PRDM16: variants seen among roughly 807,000 people sequenced by gnomAD.
PRDM16 encodes the protein histone-lysine N-methyltransferase PRDM16.
In PRDM16, 23 loss-of-function variants were observed where a neutral mutation model predicts 110.6. The ratio of observed to expected loss-of-function variants is 0.21; its 90% CI spans 0.15 to 0.29. The LOEUF is 0.29. Among genes scored for constraint, PRDM16 ranks in the 10% least tolerant of loss-of-function variants. PRDM16 has a pLI of 1.00. For synonymous variants in PRDM16, 799 were observed against 781.8 expected (o/e 1.02, Z -0.37); for missense variants, 1,615 against 1,794.3 (o/e 0.90, Z 1.81).
Position 3,186,292 on chromosome 1 carries a change from G to A in PRDM16, c.205G>A (p.Glu69Lys), listed in dbSNP as rs779756897. ...CACCCCCAAGGAGGGCTCGCCGTACGAGGCCCCTGTCTACATTCCTGAAGA... is the reference window on the plus strand; with the variant it reads ...CACCCCCAAGGAGGGCTCGCCGTACAAGGCCCCTGTCTACATTCCTGAAGA... ...DFTPKEGSPY[E>K]APVYIPEDIP... Residue 69 changes from glutamate (E) to lysine (K), a missense_variant, in exon 2 of 17, where the codon GAG (glutamate) becomes AAG (lysine). This residue lies in a region of PRDM16 where 416 missense variants were observed against 467.1 expected (regional missense o/e 0.89). Coordinates refer to ENST00000270722, the MANE Select transcript of PRDM16 (RefSeq NM_022114.4). 7.4e-6 allele frequency: 12 copies of A among 1,611,632 alleles called. No homozygotes were observed. Among genetic ancestry groups the A allele is most frequent in the African/African-American group, 4.0e-5 (3 of 74,890 alleles).
chr1:3,433,195 G>T (rs578020984), intron 16 of PRDM16, among the ~76,000 whole-genome samples: 1 of 152,244 alleles, frequency 6.6e-6, no homozygotes, highest in African/African-American at 2.4e-5. Flanking sequence ...GGTGTGCACA[G>T]GAGGCCCTGC....
rs1169094028 is a variant in PRDM16, at chr1:3,081,571, A to G, written c.37+12275A>G. ...TAGGCTACTGCTTGGCATCACCTAC[A>G]GGGATGGCGGCGGCCAGGGTTGGTC... On this transcript the variant is annotated intron_variant, in intron 1 of 16. Transcript: ENST00000270722. The surrounding 1 kb of genome is among the most constrained non-coding windows in gnomAD (Gnocchi z 4.6). Among the ~76,000 whole-genome samples, 1 of 152,156 alleles carries G rather than the reference A, an allele frequency of 6.6e-6. No homozygotes were observed. The highest frequency in any genetic ancestry group is 1.5e-5 in the Non-Finnish European group (1 of 68,024).
At chr1:3,169,417 G>A (rs937982543) in intron 1 of PRDM16, among the ~76,000 whole-genome samples, 7 of 152,146 alleles carry the variant, frequency 4.6e-5, no homozygotes, top group African/African-American at 1.7e-4. Flanking sequence ...GGGGTTGGAA[G>A]ATACCACACA....
chr1:3,126,567 G>C (rs1643213555), intron 1 of PRDM16, among the ~76,000 whole-genome samples: 1 of 152,166 alleles, frequency 6.6e-6, no homozygotes, highest in African/African-American at 2.4e-5. Context: ...CCAGGGGCCT[G>C]TACCCAATCC....
chr1:3,070,435 G>A (rs1034744177), intron 1 of PRDM16, among the ~76,000 whole-genome samples: 1 of 148,206 alleles, frequency 6.7e-6, no homozygotes, highest in African/African-American at 2.4e-5. Context: ...GGCCAGCGCG[G>A]CTCCCGCAGC....
chr1:3,187,455 G>A (rs1340201646), intron 2 of PRDM16, among the ~76,000 whole-genome samples: 1 of 152,148 alleles, frequency 6.6e-6, no homozygotes. Flanking sequence ...CCTGTGTCTT[G>A]CCCACCTGCT....
intron 6 of PRDM16, among the ~76,000 whole-genome samples, chr1:3,404,041 GAT>G (rs1461131651): frequency 6.6e-6 from 1 of 152,228 alleles, no homozygotes; most frequent in African/African-American, 2.4e-5. Flanking sequence ...CGGGGGAAAA[GAT>G]ACAGTCTCCT....
At chr1:3,231,088 T>C (rs979303600) in intron 2 of PRDM16, among the ~76,000 whole-genome samples, 5 of 152,186 alleles carry the variant, frequency 3.3e-5, no homozygotes, top group African/African-American at 1.2e-4. Context: ...CCGGGGTCAA[T>C]GTGCCTCCAA....
intron 1 of PRDM16, among the ~76,000 whole-genome samples, chr1:3,094,908 C>T (rs764127371): frequency 2.0e-5 from 3 of 152,154 alleles, no homozygotes; most frequent in Non-Finnish European, 2.9e-5. Context: ...TCTTTTCCGA[C>T]GTGGATGGAG....
intron 14 of PRDM16, 118 bp downstream of exon 14, chr1:3,426,343 G>T (rs978903115): frequency 5.2e-6 from 4 of 767,134 alleles, no homozygotes; most frequent in South Asian, 1.9e-5. Context: ...CCAGATAGGC[G>T]CAGTGGGGGC....
At chr1:3,295,717 C>A (rs1174991519) in intron 3 of PRDM16, among the ~76,000 whole-genome samples, 1 of 152,172 alleles carries the variant, frequency 6.6e-6, no homozygotes, top group Non-Finnish European at 1.5e-5. Flanking sequence ...GCTCCGTTGA[C>A]AGGGTTTCTG....
Position 3,292,478 on chromosome 1 carries a change from G to A in PRDM16, c.438+48341G>A, listed in dbSNP as rs574239304. The stretch of plus-strand genomic sequence containing the variant: ...GAGCCGTCGCTCTCCGCCTGGCTGC[G>A]CCTCTATCTGGGGCCGCAGCGTCCC... On this transcript the variant is annotated intron_variant, in intron 3 of 16. Transcript: ENST00000270722. Among the ~76,000 whole-genome samples, 33 of 152,358 alleles carry A rather than the reference G, an allele frequency of 2.2e-4. No homozygotes were observed. The Middle Eastern group carries it at 0.014, about 63-fold the overall frequency.
chr1:3,195,207 G>A (rs915287540), intron 2 of PRDM16, among the ~76,000 whole-genome samples: 14 of 152,182 alleles, frequency 9.2e-5, no homozygotes, highest in African/African-American at 1.9e-4. Flanking sequence ...GCGTTGCTCC[G>A]GGAGAAGCCG....
chr1:3,340,247 C>T (rs1306160280), intron 3 of PRDM16, among the ~76,000 whole-genome samples: 1 of 152,080 alleles, frequency 6.6e-6, no homozygotes, highest in African/African-American at 2.4e-5. Context: ...CCTAAATCCC[C>T]AAGCAGACCC....
chr1:3,088,623 G>A (rs1299208429), intron 1 of PRDM16, among the ~76,000 whole-genome samples: 1 of 151,048 alleles, frequency 6.6e-6, no homozygotes, highest in South Asian at 2.1e-4. Context: ...CTGCCACCAC[G>A]CCTGGCTAAT....
chr1:3,281,104 G>C (rs1360332819), intron 3 of PRDM16, among the ~76,000 whole-genome samples: 1 of 152,230 alleles, frequency 6.6e-6, no homozygotes, highest in Non-Finnish European at 1.5e-5. Context: ...TGGGGCCATT[G>C]GCATTCTGGA....
chr1:3,238,818 G>T (rs183044012), intron 2 of PRDM16, among the ~76,000 whole-genome samples: 1 of 152,252 alleles, frequency 6.6e-6, no homozygotes, highest in East Asian at 1.9e-4. Context: ...TCCTGCCGGA[G>T]CACACTCCTG....
chr1:3,278,963 C>T (rs564845997), intron 3 of PRDM16, among the ~76,000 whole-genome samples: 11 of 152,350 alleles, frequency 7.2e-5, no homozygotes, highest in African/African-American at 2.4e-4. Flanking sequence ...TGGAGCCACA[C>T]GGTGCCGAGC....
intron 1 of PRDM16, among the ~76,000 whole-genome samples, chr1:3,147,819 G>T (rs1569689275): frequency 6.6e-6 from 1 of 152,186 alleles, no homozygotes; most frequent in Admixed American, 6.5e-5. Flanking sequence ...AGCCAGAGGT[G>T]AATCTGAGGT....
Sources: gnomAD v4.1 joint callset for allele counts (sites outside exome capture counted in the v4.1 genomes callset) on GRCh38, gnomAD v4.1.1 for gene constraint, gnomAD v4.1.1 regional missense constraint, Gnocchi (gnomAD v3.1) non-coding constraint, MANE v1.5 for transcripts, NCBI Gene and HGNC (gene_info 2026-07-23, HGNC 2026-07-21) for gene names.